The following UBE2E1 variants were observed in gnomAD, a reference collection of about 807,000 sequenced individuals.
UBE2E1 encodes the protein ubiquitin conjugating enzyme E2 E1.
A neutral mutation model predicts 21.4 loss-of-function variants in UBE2E1; 6 were observed. The ratio of observed to expected loss-of-function variants is 0.28; its 90% CI spans 0.15 to 0.55. The LOEUF is 0.55. UBE2E1 is among the 20% of genes least tolerant of loss of function. The pLI, the probability that UBE2E1 is intolerant of heterozygous loss-of-function variation, is 0.93. For missense variants in UBE2E1, 142 were observed against 236.5 expected (o/e 0.60, Z 2.62); for synonymous variants, 87 against 82.7 (o/e 1.05, Z -0.28).
chr3:23,845,743 T>C (rs1363561705), intron 3 of UBE2E1, among the ~76,000 whole-genome samples: 1 of 152,146 alleles, frequency 6.6e-6, no homozygotes, highest in African/African-American at 2.4e-5. Flanking sequence ...ATTTGATCTC[T>C]GTTAGAACCG....
intron 3 of UBE2E1, among the ~76,000 whole-genome samples, chr3:23,875,552 C>T (rs1446756021): frequency 1.3e-5 from 2 of 152,160 alleles, no homozygotes; most frequent in Admixed American, 6.5e-5. Context: ...AAAATTCCTT[C>T]GGAAGTTTAT....
In UBE2E1 at chr3:23,870,884, C is replaced by G. The variant is rs994351565; in HGVS notation, c.204-16683C>G. Among the ~76,000 whole-genome samples the G allele has an allele frequency of 1.3e-5, 2 of 152,010 alleles. No individual in the cohort carries two copies. The highest frequency in any genetic ancestry group is 6.6e-5 in the Admixed American group (1 of 15,264). ...ATTAGGGAGTGGTGATGATTCTTAA[C>G]GAGCATGCTGCCTTCAAGCATCTGT... On this transcript the variant is annotated intron_variant, in intron 3 of 5. Transcript: ENST00000306627. This position sits in a 1 kb window ranked among gnomAD's most constrained non-coding sequence, Gnocchi z 4.2.
At chr3:23,815,220 C>T (rs141438382) in intron 3 of UBE2E1, among the ~76,000 whole-genome samples, 57 of 152,266 alleles carry the variant, frequency 3.7e-4, no homozygotes, top group African/African-American at 1.2e-3. Context: ...GGCCTCAAGC[C>T]GTCCACCCAC....
intron 3 of UBE2E1, among the ~76,000 whole-genome samples, chr3:23,819,435 A>G (rs142063866): frequency 7.2e-5 from 11 of 152,260 alleles, no homozygotes; most frequent in African/African-American, 2.6e-4. Context: ...AATTTTCTAG[A>G]CGATTAGAAG....
chr3:23,831,292 C>G (rs960000000), intron 3 of UBE2E1, among the ~76,000 whole-genome samples: 9 of 152,154 alleles, frequency 5.9e-5, no homozygotes, highest in Non-Finnish European at 1.3e-4. Context: ...TTTTTTCTCA[C>G]ATCGCAGATT....
At chr3:23,849,248 A>AT (rs761869818) in intron 3 of UBE2E1, among the ~76,000 whole-genome samples, 8 of 152,040 alleles carry the variant, frequency 5.3e-5, no homozygotes, top group Non-Finnish European at 1.2e-4. Context: ...CCATCTTGCT[A>AT]TTATCCATGG....
At position 23,810,569 on chromosome 3, in the gene UBE2E1, G is replaced by A. The variant is rs770520404; in HGVS notation, c.153-891G>A. 8.4e-5 allele frequency: 128 copies of A among 1,515,410 alleles called. No individual in the cohort carries two copies. The East Asian group carries it at 3.0e-3, about 36-fold the overall frequency. The allele number at this position is 1,515,410 out of a possible 1,614,324, so 93.9% of individuals were successfully genotyped here. A position where few individuals can be genotyped will look rare whatever the true frequency, so the allele number is the denominator to read the frequency against. On this transcript the variant is annotated intron_variant, in intron 2 of 5. Coordinates refer to ENST00000306627, the MANE Select transcript of UBE2E1 (RefSeq NM_003341.5). This position sits in a 1 kb window ranked among gnomAD's most constrained non-coding sequence, Gnocchi z 5.8. ...CCGAGAGTCCCGGCCAGCGTGCGGG[G>A]CGGAGGCAGGGTCCGGTGCACCTGT...
At chr3:23,827,074 T>A (rs1353330333) in intron 3 of UBE2E1, among the ~76,000 whole-genome samples, 1 of 152,102 alleles carries the variant, frequency 6.6e-6, no homozygotes, top group African/African-American at 2.4e-5. Flanking sequence ...ACATTTTTTT[T>A]CACTTATCCA....
chr3:23,888,919 T>A lies in UBE2E1; in HGVS notation c.337-193T>A, dbSNP rs554665024. On this transcript the variant is annotated intron_variant, in intron 4 of 5. Coordinates refer to ENST00000306627, the MANE Select transcript of UBE2E1 (RefSeq NM_003341.5). ...GTACTGAACTTACCGTCAGTGGACA[T>A]AACATTTTAAATGAAATTGACACAG... 2.0e-5 allele frequency among the ~76,000 whole-genome samples: 3 copies of A among 152,354 alleles called. No homozygotes were observed. In the East Asian group the frequency reaches 5.8e-4, roughly 29 times the overall value.
intron 3 of UBE2E1, among the ~76,000 whole-genome samples, chr3:23,845,694 C>T (rs1460622266): frequency 6.6e-6 from 1 of 151,368 alleles, no homozygotes; most frequent in Non-Finnish European, 1.5e-5. Context: ...AGTTATTTAG[C>T]AGAAGTCCAA....
Position 23,890,672 on chromosome 3 carries a change from G to A in UBE2E1, c.*66G>A. ...AAGAGAGCTGCTTATGATTTTGAAG[G>A]GGTCAGGGAGGGTGGGAGTTGGTAA... On this transcript the variant is annotated 3_prime_UTR_variant, in exon 6 of 6. Coordinates refer to ENST00000306627, the MANE Select transcript of UBE2E1 (RefSeq NM_003341.5). 7.4e-7 allele frequency: 1 copy of A among 1,347,064 alleles called. No homozygotes were observed. Among genetic ancestry groups the A allele is most frequent in the Non-Finnish European group, 1.0e-6 (1 of 964,820 alleles). The allele number at this position is 1,347,064 out of a possible 1,614,324, so 83.4% of individuals were successfully genotyped here.
chr3:23,834,480 T>G (rs1699936545), intron 3 of UBE2E1, among the ~76,000 whole-genome samples: 1 of 152,244 alleles, frequency 6.6e-6, no homozygotes, highest in Admixed American at 6.5e-5. Context: ...TTTTCTGTGT[T>G]TGCTTCTAAC....
At position 23,808,801 on chromosome 3, in the gene UBE2E1, C is replaced by A. The variant is rs1159999371; in HGVS notation, c.152+1380C>A. 1 of 152,224 alleles carries A rather than the reference C, an allele frequency of 6.6e-6. No individual in the cohort carries two copies. The highest frequency in any genetic ancestry group is 1.5e-5 in the Non-Finnish European group (1 of 68,076). 9.4% of individuals were successfully genotyped at this position (152,224 alleles called of 1,614,324 possible). ...TCTACTCTGCCCACTTGGGACGGGC[C>A]CTTCCTTAATACTGCGCCCCACCTC... On this transcript the variant is annotated intron_variant, in intron 2 of 5. Coordinates refer to ENST00000306627, the MANE Select transcript of UBE2E1 (RefSeq NM_003341.5). This position sits in a 1 kb window ranked among gnomAD's most constrained non-coding sequence, Gnocchi z 4.9.
intron 3 of UBE2E1, among the ~76,000 whole-genome samples, chr3:23,849,518 C>G (rs1178445740): frequency 6.6e-6 from 1 of 152,172 alleles, no homozygotes; most frequent in Non-Finnish European, 1.5e-5. Flanking sequence ...ACCCCTCACC[C>G]TCTGACAGGC....
intron 4 of UBE2E1, chr3:23,888,139 G>A (rs1701233651): frequency 2.2e-6 from 1 of 447,972 alleles, no homozygotes; most frequent in Admixed American, 2.4e-5. Flanking sequence ...GGCAGGGCAG[G>A]TCAGGGGGCC....
At chr3:23,855,673 C>CA (rs1474290429) in intron 3 of UBE2E1, among the ~76,000 whole-genome samples, 1 of 151,530 alleles carries the variant, frequency 6.6e-6, no homozygotes, top group Non-Finnish European at 1.5e-5. Context: ...ACTAAAAATA[C>CA]AAAAAAATTA....
chr3:23,884,900 T>G (rs1361936535), intron 3 of UBE2E1, among the ~76,000 whole-genome samples: 3 of 152,366 alleles, frequency 2.0e-5, no homozygotes, highest in Non-Finnish European at 4.4e-5. Context: ...CCCCTTTATC[T>G]GCAACCCCTG....
intron 3 of UBE2E1, among the ~76,000 whole-genome samples, chr3:23,878,390 CTTCTT>C (rs1371345933): frequency 6.6e-6 from 1 of 152,164 alleles, no homozygotes; most frequent in Non-Finnish European, 1.5e-5. Flanking sequence ...CAACGTTTTT[CTTCTT>C]TTAATTATTA....
intron 3 of UBE2E1, among the ~76,000 whole-genome samples, chr3:23,885,706 C>G (rs2125329786): frequency 6.6e-6 from 1 of 151,636 alleles, no homozygotes; most frequent in South Asian, 2.1e-4. Flanking sequence ...ACTAAAAATA[C>G]AAAATTAGCC....
Sources: gnomAD v4.1 joint callset for allele counts (sites outside exome capture counted in the v4.1 genomes callset) on GRCh38, gnomAD v4.1.1 for gene constraint, Gnocchi (gnomAD v3.1) non-coding constraint, MANE v1.5 for transcripts, NCBI Gene and HGNC (gene_info 2026-07-23, HGNC 2026-07-21) for gene names.